CGN: variants seen among roughly 807,000 people sequenced by gnomAD.
The protein encoded by CGN is cingulin.
In CGN, 121 loss-of-function variants were observed where a neutral mutation model predicts 157.1. The observed-to-expected ratio is 0.77, with a 90% CI of 0.66 to 0.90. The LOEUF (loss-of-function observed/expected upper bound fraction) is 0.90. CGN is among the 40% of genes least tolerant of loss of function. The probability of loss-of-function intolerance (pLI) is 0.00; values close to 1 mark genes in which losing one functional copy is unlikely to be tolerated. For missense variants in CGN, 1,424 were observed against 1,520.9 expected, an observed-to-expected ratio of 0.94 and a Z score of 1.06; for synonymous variants, 535 against 607.5, an observed-to-expected ratio of 0.88 and a Z score of 1.76.
Position 151,524,307 on chromosome 1 carries a change from C to T in CGN, c.1350C>T (p.Asn450=). 1 of 1,614,118 alleles carries T rather than the reference C, an allele frequency of 6.2e-7. No individual in the cohort carries two copies. Among genetic ancestry groups the T allele is most frequent in the South Asian group, 1.1e-5 (1 of 91,086 alleles). ...AGACCCAGGTGATGGAGCTGCAGAACAAGCTGAAACATGTCCAGGGTCCTG... is the reference window on the plus strand; with the variant it reads ...AGACCCAGGTGATGGAGCTGCAGAATAAGCTGAAACATGTCCAGGGTCCTG... ...GLETQVMELQ[N]KLKHVQGPEP... is the part of the protein sequence containing the mutation. The change falls in exon 7 of 21, where the codon AAC becomes AAT. Residue 450 remains asparagine (N), a synonymous_variant. Transcript: ENST00000271636. The surrounding 1 kb of genome is among the most constrained non-coding windows in gnomAD (Gnocchi z 4.4).
intron 5 of CGN, among the ~76,000 whole-genome samples, chr1:151,521,296 A>C (rs1664538126): frequency 6.6e-6 from 1 of 152,206 alleles, no homozygotes; most frequent in African/African-American, 2.4e-5. Context: ...GTTGGTGCTC[A>C]ATAAATGTTG....
Position 151,519,135 on chromosome 1 carries a change from C to A in CGN, c.616C>A (p.Pro206Thr), listed in dbSNP as rs559686107. 11 of 1,613,992 alleles carry A rather than the reference C, an allele frequency of 6.8e-6. No homozygotes were observed. In the Admixed American group the frequency reaches 1.3e-4, roughly 20 times the overall value. ...TGGCCGCCGAACACGGATGCTACCC[C>A]CTGAACAGCGCAAACGGAGCAAGAG... is the stretch of plus-strand genomic sequence containing the variant. ...RTGRRTRMLP[P>T]EQRKRSKSLD... The change falls in exon 2 of 21, where the codon CCT (proline) becomes ACT (threonine). Residue 206 changes from proline to threonine, a missense_variant. By Grantham distance (38) the Pro-to-Thr change is conservative. Around this residue, in one of 3 missense-constraint regions of CGN, gnomAD observed 1,187 missense variants for 1,217.6 expected, o/e 0.97. Coordinates refer to ENST00000271636, the MANE Select transcript of CGN (RefSeq NM_020770.3).
At position 151,520,420 on chromosome 1, in the gene CGN, A is replaced by G. The variant is rs758810075; in HGVS notation, c.981A>G (p.Ser327=). Residue 327 remains serine, a synonymous_variant, in exon 4 of 21, where the codon TCA becomes TCG. Transcript: ENST00000271636. ...TIYGILREGS[S]ESETSVRRKV... Reference sequence around the variant, plus strand: ...CTATCCTTTTATCCTCTAGAAGCTCAGAAAGTGAAACCTCTGTGAGGAGGA... The same window carrying G: ...CTATCCTTTTATCCTCTAGAAGCTCGGAAAGTGAAACCTCTGTGAGGAGGA... The G allele has an allele frequency of 6.2e-7, 1 of 1,614,022 alleles. No individual in the cohort carries two copies. The highest frequency in any genetic ancestry group is 8.5e-7 in the Non-Finnish European group (1 of 1,179,874).
chr1:151,532,627 T>A, intron 14 of CGN, 55 bp downstream of exon 14: 1 of 1,322,218 alleles, frequency 7.6e-7, no homozygotes, highest in Non-Finnish European at 9.8e-7. Context: ...TTTTTTTTTT[T>A]TTTTTTGTCC....
chr1:151,530,422 C>T (rs1571667479), intron 12 of CGN, 67 bp from the exon 13 acceptor site: 5 of 1,494,028 alleles, frequency 3.3e-6, no homozygotes, highest in Non-Finnish European at 4.4e-6. Context: ...CCCAGCTACC[C>T]ACCTCCAAAT....
Position 151,535,590 on chromosome 1 carries a change from T to C in CGN, c.2995-10T>C. 1.2e-6 allele frequency: 2 copies of C among 1,611,458 alleles called. No homozygotes were observed. The highest frequency in any genetic ancestry group is 1.7e-6 in the Non-Finnish European group (2 of 1,178,252). On this transcript the variant is annotated splice_polypyrimidine_tract_variant and intron_variant, in intron 16 of 20. Transcript: ENST00000271636. ...TCCCCAAGTCTGGTCCTCTCACCCA[T>C]CCCCACTAGGTGGATCAGCTGAGGA...
chr1:151,526,436 A>G (rs1021421866), intron 9 of CGN, among the ~76,000 whole-genome samples: 3 of 149,756 alleles, frequency 2.0e-5, no homozygotes, highest in Non-Finnish European at 4.4e-5. Context: ...CGGCCCCCCA[A>G]AACGCTGGGA....
intron 13 of CGN, among the ~76,000 whole-genome samples, chr1:151,531,376 T>C (rs1391472306): frequency 6.6e-6 from 1 of 152,202 alleles, no homozygotes. Flanking sequence ...TTGGGCAACA[T>C]AATAAGACTC....
At chr1:151,533,082 G>A (rs1285438609) in intron 14 of CGN, among the ~76,000 whole-genome samples, 1 of 152,110 alleles carries the variant, frequency 6.6e-6, no homozygotes, top group Non-Finnish European at 1.5e-5. Flanking sequence ...CCACACCCAG[G>A]CTGTATCCCA....
intron 5 of CGN, among the ~76,000 whole-genome samples, chr1:151,522,225 G>A (rs184836303): frequency 1.1e-3 from 160 of 151,966 alleles, no homozygotes; most frequent in Non-Finnish European, 1.5e-3. Flanking sequence ...AGCTGTGATT[G>A]CACTGCTGCA....
chr1:151,510,731 T>A (rs996833773), upstream of CGN, among the ~76,000 whole-genome samples: 2 of 152,208 alleles, frequency 1.3e-5, no homozygotes, highest in African/African-American at 4.8e-5. Flanking sequence ...CTTGCTCTGG[T>A]GAAGCTTATC....
At chr1:151,527,252 C>A in intron 10 of CGN, 145 bp downstream of exon 10, 2 of 845,556 alleles carry the variant, frequency 2.4e-6, no homozygotes, top group Non-Finnish European at 3.8e-6. Flanking sequence ...TGATCTCTTT[C>A]CAGCACAGCA....
Position 151,525,013 on chromosome 1 carries a change from A to C in CGN, c.1614+127A>C, listed in dbSNP as rs897345591. On this transcript the variant is annotated intron_variant, in intron 8 of 20. Transcript: ENST00000271636. ...CTCCCCCTCTCCTCCTAAAGGACAC[A>C]GTGAGATCTGCTGAAAACCTTGGGC... 1.5e-5 allele frequency: 11 copies of C among 757,278 alleles called. No individual in the cohort carries two copies. The Admixed American group carries it at 2.9e-4, about 20-fold the overall frequency. The allele number at this position is 757,278 out of a possible 1,614,324, so 46.9% of individuals were successfully genotyped here.
Position 151,524,688 on chromosome 1 carries a change from C to T in CGN, c.1416C>T (p.Thr472=). 1.9e-6 allele frequency: 3 copies of T among 1,607,620 alleles called. No individual in the cohort carries two copies. Among genetic ancestry groups the T allele is most frequent in the Non-Finnish European group, 2.5e-6 (3 of 1,178,676 alleles). ...KEVLLKDLLE[T]RELLEEVLEG... is the part of the protein sequence containing the mutation. ...ATTTTCTCCAGGACCTGTTAGAGAC[C>T]CGGGAACTTCTGGAAGAGGTCTTGG... Residue 472 remains threonine (T), a synonymous_variant, in exon 8 of 21, where the codon ACC becomes ACT. Coordinates refer to ENST00000271636, the MANE Select transcript of CGN (RefSeq NM_020770.3). This position sits in a 1 kb window ranked among gnomAD's most constrained non-coding sequence, Gnocchi z 4.4.
rs746282627 is a variant in CGN, at chr1:151,525,791, G to T, written c.1763+1G>T. 3.2e-6 allele frequency: 5 copies of T among 1,571,136 alleles called. No homozygotes were observed. Among genetic ancestry groups the T allele is most frequent in the Non-Finnish European group, 4.3e-6 (5 of 1,158,320 alleles). Reference sequence around the variant, plus strand: ...AGGATCTTAGAGCCACCAAGCAGGAGTAAGGACATTGGCCCTCTCAGAAAT... The same window carrying T: ...AGGATCTTAGAGCCACCAAGCAGGATTAAGGACATTGGCCCTCTCAGAAAT... On this transcript the variant is annotated splice_donor_variant, in intron 9 of 20. Transcript: ENST00000271636. LOFTEE classifies it high-confidence loss of function.
intron 2 of CGN, 76 bp downstream of exon 2, chr1:151,519,468 G>A: frequency 7.5e-7 from 1 of 1,331,060 alleles, no homozygotes. Context: ...CACCAGCCAT[G>A]AGCCTCCTTG....
intron 5 of CGN, among the ~76,000 whole-genome samples, chr1:151,521,574 G>A (rs1319629417): frequency 6.6e-6 from 1 of 152,212 alleles, no homozygotes; most frequent in Non-Finnish European, 1.5e-5. Flanking sequence ...GCCGGGCGCA[G>A]TGGCTCACAC....
chr1:151,536,939 G>A (rs1032563865), intron 20 of CGN, 46 bp downstream of exon 20: 1 of 1,583,110 alleles, frequency 6.3e-7, no homozygotes, highest in African/African-American at 1.3e-5. Flanking sequence ...CACTAGAGCA[G>A]GGAGGGAATG....
intron 1 of CGN, among the ~76,000 whole-genome samples, chr1:151,516,191 A>C (rs1164178818): frequency 6.6e-6 from 1 of 151,956 alleles, no homozygotes; most frequent in East Asian, 1.9e-4. Flanking sequence ...GCTTGCTAGC[A>C]CTTTACAGTC....
Sources: allele counts gnomAD v4.1 joint callset (sites outside exome capture counted in the v4.1 genomes callset), GRCh38; gene constraint gnomAD v4.1.1; regional missense constraint gnomAD v4.1.1; non-coding constraint Gnocchi (gnomAD v3.1); transcripts MANE v1.5; gene names NCBI Gene and HGNC (gene_info 2026-07-23, HGNC 2026-07-21).